MAP1B: variants seen among roughly 807,000 people sequenced by gnomAD.
MAP1B encodes the protein microtubule-associated protein 1B.
In MAP1B, 12 loss-of-function variants were observed where a neutral mutation model predicts 176.1. The ratio of observed to expected loss-of-function variants is 0.07; its 90% CI spans 0.04 to 0.11. The LOEUF (loss-of-function observed/expected upper bound fraction) is 0.11, where lower values mean the gene tolerates loss of function less well. Ranked by LOEUF, MAP1B falls within the 10% of genes least tolerant of loss-of-function variation. The pLI is 1.00. For missense variants in MAP1B, 2,523 were observed against 2,990.5 expected, an observed-to-expected ratio of 0.84 and a Z score of 3.65; for synonymous variants, 1,044 against 1,135.0, an observed-to-expected ratio of 0.92 and a Z score of 1.61.
intron 2 of MAP1B, among the ~76,000 whole-genome samples, chr5:72,163,543 AG>A (rs1746365745): frequency 1.3e-5 from 2 of 152,214 alleles, no homozygotes; most frequent in African/African-American, 4.8e-5. Context: ...TGTCTAGATT[AG>A]GAATCAGATA....
intron 2 of MAP1B, among the ~76,000 whole-genome samples, chr5:72,123,501 T>G (rs547324518): frequency 6.6e-6 from 1 of 151,542 alleles, no homozygotes; most frequent in East Asian, 1.9e-4. Flanking sequence ...TAGTTTTTTT[T>G]GAAGATGGAG....
At chr5:72,136,085 G>T (rs1745833893) in intron 2 of MAP1B, among the ~76,000 whole-genome samples, 1 of 152,298 alleles carries the variant, frequency 6.6e-6, no homozygotes, top group Middle Eastern at 3.4e-3. Flanking sequence ...GTGGAATAAA[G>T]GAGAAGGCAC....
chr5:72,119,670 G>C (rs1185288780), intron 2 of MAP1B, among the ~76,000 whole-genome samples: 1 of 152,008 alleles, frequency 6.6e-6, no homozygotes, highest in African/African-American at 2.4e-5. Context: ...ATCACACCTA[G>C]GTAATTTTTT....
intron 2 of MAP1B, among the ~76,000 whole-genome samples, chr5:72,146,525 G>A (rs529543711): frequency 6.6e-6 from 1 of 152,194 alleles, no homozygotes; most frequent in Admixed American, 6.5e-5. Context: ...AGCACTTTCT[G>A]TGTATGCGCC....
intron 2 of MAP1B, among the ~76,000 whole-genome samples, chr5:72,155,766 C>CTTTTTTTTTTTTT (rs11330287): frequency 7.9e-6 from 1 of 126,570 alleles, no homozygotes; most frequent in Admixed American, 8.4e-5. Context: ...ATTTTCTTTT[C>CTTTTTTTTTTTTT]TTTTTTTTTT....
In MAP1B at chr5:72,155,766, C is replaced by CTTT. The variant is rs11330287; in HGVS notation, c.287-27961_287-27959dup. On this transcript the variant is annotated intron_variant, in intron 2 of 6. Coordinates refer to ENST00000296755, the MANE Select transcript of MAP1B (RefSeq NM_005909.5). ...GTAATTGATTGATTGATTTTCTTTT[C>CTTT]TTTTTTTTTTTTTTTTTTGAGACGG... Among the ~76,000 whole-genome samples the CTTT allele has an allele frequency of 7.7e-3, 978 of 126,510 alleles. 46 individuals carry two copies. The highest frequency in any genetic ancestry group is 0.053 in the Admixed American group (631 of 11,952). The allele number at this position is 126,510 out of a possible 152,430, so 83.0% of individuals were successfully genotyped here.
intron 2 of MAP1B, among the ~76,000 whole-genome samples, chr5:72,164,808 C>T (rs990454148): frequency 5.3e-5 from 8 of 152,070 alleles, no homozygotes; most frequent in Non-Finnish European, 7.3e-5. Context: ...GCTTTCCCTG[C>T]GTGTTTTTAC....
chr5:72,193,939 A>T lies in MAP1B; in HGVS notation c.584A>T (p.Asp195Val). 6.2e-7 allele frequency: 1 copy of T among 1,614,146 alleles called. No homozygotes were observed. Among genetic ancestry groups the T allele is most frequent in the Non-Finnish European group, 8.5e-7 (1 of 1,180,016 alleles). ...ACCCTGTTCTGTCCTGAAGAAGGGG[A>T]CTGGAAGAACTCCAATCTTGACAGA... ...SLTLFCPEEG[D>V]WKNSNLDRHN... The change falls in exon 5 of 7, where the codon GAC becomes GTC. Residue 195 changes from aspartate (D) to valine (V), a missense_variant. By Grantham distance (152) the Asp-to-Val change is radical. Transcript: ENST00000296755.
rs957464650 is a variant in MAP1B at position 72,107,523 on chromosome 5, G to C, written c.-9G>C. 11 of 1,554,644 alleles carry C rather than the reference G, an allele frequency of 7.1e-6. No individual in the cohort carries two copies. The highest frequency in any genetic ancestry group is 9.5e-6 in the Non-Finnish European group (11 of 1,154,190). ...CGAGACACTTCGCCGAGGCACAGCAGCCGGCAGGATGGCGACCGTGGTGGT... is the reference window on the plus strand; with the variant it reads ...CGAGACACTTCGCCGAGGCACAGCACCCGGCAGGATGGCGACCGTGGTGGT... On this transcript the variant is annotated 5_prime_UTR_variant, in exon 1 of 7. Transcript: ENST00000296755.
chr5:72,157,107 T>C (rs974680661), intron 2 of MAP1B, among the ~76,000 whole-genome samples: 4 of 152,190 alleles, frequency 2.6e-5, no homozygotes, highest in Non-Finnish European at 5.9e-5. Flanking sequence ...GCTTAGAAAA[T>C]GTGTGTTAAA....
chr5:72,166,957 T>A (rs1746444528), intron 2 of MAP1B, among the ~76,000 whole-genome samples: 1 of 151,748 alleles, frequency 6.6e-6, no homozygotes, highest in Non-Finnish European at 1.5e-5. Flanking sequence ...CATGCAGACA[T>A]GTTTGTGAGT....
Position 72,144,925 on chromosome 5 carries a change from C to T in MAP1B, c.286+29126C>T, listed in dbSNP as rs557600453. 7.2e-5 allele frequency among the ~76,000 whole-genome samples: 11 copies of T among 152,198 alleles called. 1 individual carries two copies. The South Asian group carries it at 2.3e-3, about 32-fold the overall frequency. On this transcript the variant is annotated intron_variant, in intron 2 of 6. Coordinates refer to ENST00000296755, the MANE Select transcript of MAP1B (RefSeq NM_005909.5). ...ACTGAAACACAGATCCTTCTCTTCCCCTGGCCATCTGAGTTGTAGGAGACT... is the reference window on the plus strand; with the variant it reads ...ACTGAAACACAGATCCTTCTCTTCCTCTGGCCATCTGAGTTGTAGGAGACT...
intron 2 of MAP1B, among the ~76,000 whole-genome samples, chr5:72,143,980 C>T (rs1005080599): frequency 6.6e-6 from 1 of 152,160 alleles, no homozygotes; most frequent in Non-Finnish European, 1.5e-5. Context: ...TCCAGTGTCA[C>T]GTGGCGTGTT....
At position 72,199,687 on chromosome 5, in the gene MAP1B, C is replaced by T. The variant is rs868259712; in HGVS notation, c.6332C>T (p.Ala2111Val). Reference sequence around the variant, plus strand: ...AATCCCAATCCTCTTGAGTGGTTTGCCAGTGAAGAACCCACTGAAGAATCT... The same window carrying T: ...AATCCCAATCCTCTTGAGTGGTTTGTCAGTGAAGAACCCACTGAAGAATCT... ...FINPNPLEWF[A>V]SEEPTEESEK... Residue 2111 changes from alanine (A) to valine (V), a missense_variant, in exon 5 of 7, where the codon GCC becomes GTC. Physicochemically the swap from Ala to Val is moderately conservative, Grantham distance 64. Around this residue, in one of 4 missense-constraint regions of MAP1B, gnomAD observed 1,925 missense variants for 2,126.0 expected, o/e 0.91. Transcript: ENST00000296755. The surrounding 1 kb of genome is among the most constrained non-coding windows in gnomAD (Gnocchi z 4.2). 6.2e-7 allele frequency: 1 copy of T among 1,614,064 alleles called. No homozygotes were observed.
At chr5:72,177,198 T>G (rs1398621452) in intron 2 of MAP1B, among the ~76,000 whole-genome samples, 1 of 152,116 alleles carries the variant, frequency 6.6e-6, no homozygotes, top group East Asian at 1.9e-4. Flanking sequence ...GCCGAGGAAG[T>G]CTTCTGTTAG....
intron 2 of MAP1B, among the ~76,000 whole-genome samples, chr5:72,118,847 C>T (rs1238552916): frequency 6.6e-6 from 1 of 152,156 alleles, no homozygotes; most frequent in Non-Finnish European, 1.5e-5. Context: ...ATATATCTGT[C>T]TTATGTTCCT....
At chr5:72,128,711 G>C (rs1745671984) in intron 2 of MAP1B, among the ~76,000 whole-genome samples, 1 of 152,204 alleles carries the variant, frequency 6.6e-6, no homozygotes, top group African/African-American at 2.4e-5. Flanking sequence ...CACCGTCATG[G>C]TTCACTGCAG....
intron 2 of MAP1B, among the ~76,000 whole-genome samples, chr5:72,149,097 T>C (rs1270321168): frequency 6.6e-6 from 1 of 152,212 alleles, no homozygotes; most frequent in Non-Finnish European, 1.5e-5. Context: ...CCTAGCACAA[T>C]GCTGGCACAT....
chr5:72,197,847 G>C lies in MAP1B; in HGVS notation c.4492G>C (p.Gly1498Arg), dbSNP rs1747222312. ...ACTGGCTCTGGATGAAAGGAAATTAGGAGATGTTTCTCCCACACAAATAGA... is the reference window on the plus strand; with the variant it reads ...ACTGGCTCTGGATGAAAGGAAATTACGAGATGTTTCTCCCACACAAATAGA... ...PALALDERKL[G>R]DVSPTQIDVS... The change falls in exon 5 of 7, where the codon GGA becomes CGA. Residue 1498 changes from glycine (G) to arginine (R), a missense_variant. Physicochemically the swap from Gly to Arg is moderately radical, Grantham distance 125 (BLOSUM62 -2). Transcript: ENST00000296755. 1.9e-6 allele frequency: 3 copies of C among 1,614,176 alleles called. No homozygotes were observed. Among genetic ancestry groups the C allele is most frequent in the Middle Eastern group, 3.3e-4 (2 of 6,062 alleles).
Sources: allele counts gnomAD v4.1 joint callset (sites outside exome capture counted in the v4.1 genomes callset), GRCh38; gene constraint gnomAD v4.1.1; regional missense constraint gnomAD v4.1.1; non-coding constraint Gnocchi (gnomAD v3.1); transcripts MANE v1.5; gene names NCBI Gene and HGNC (gene_info 2026-07-23, HGNC 2026-07-21).